DACH1: variants seen among roughly 807,000 people sequenced by gnomAD.
The protein encoded by DACH1 is dachshund homolog 1.
DACH1 carries 12 observed loss-of-function variants against 54.2 expected under a neutral mutation model. The ratio of observed to expected loss-of-function variants is 0.22; its 90% CI spans 0.14 to 0.36. DACH1 has a LOEUF of 0.36. DACH1 is among the 10% of genes least tolerant of loss of function. DACH1 has a pLI of 1.00. For missense variants in DACH1, 805 were observed against 929.8 expected (o/e 0.87, Z 1.75); for synonymous variants, 386 against 366.2 (o/e 1.05, Z -0.62).
intron 1 of DACH1, among the ~76,000 whole-genome samples, chr13:71,779,247 G>A (rs1208240394): frequency 8.2e-6 from 1 of 121,412 alleles, no homozygotes; most frequent in Non-Finnish European, 1.7e-5. Context: ...ACATATATAC[G>A]TATATACGTA....
chr13:71,660,254 T>C (rs540376927), intron 2 of DACH1, among the ~76,000 whole-genome samples: 4 of 152,240 alleles, frequency 2.6e-5, no homozygotes, highest in African/African-American at 9.6e-5. Context: ...ACTATGTTGC[T>C]ACATGCAGGG....
chr13:71,611,056 T>C (rs1479553822), intron 3 of DACH1, among the ~76,000 whole-genome samples: 1 of 152,168 alleles, frequency 6.6e-6, no homozygotes, highest in African/African-American at 2.4e-5. Context: ...TTGTGAACGT[T>C]GCATTATGGC....
intron 10 of DACH1, among the ~76,000 whole-genome samples, chr13:71,463,210 T>A (rs1032674020): frequency 6.6e-6 from 1 of 152,012 alleles, no homozygotes; most frequent in Admixed American, 6.6e-5. Flanking sequence ...AAAATCTGTA[T>A]TGGCATTTAT....
At chr13:71,693,597 C>T (rs1042841050) in intron 1 of DACH1, among the ~76,000 whole-genome samples, 2 of 150,658 alleles carry the variant, frequency 1.3e-5, no homozygotes, top group African/African-American at 4.9e-5. Flanking sequence ...GGATTACAGG[C>T]GTGAGCCACC....
intron 3 of DACH1, among the ~76,000 whole-genome samples, chr13:71,613,211 T>G (rs1354337749): frequency 6.6e-6 from 1 of 152,160 alleles, no homozygotes; most frequent in Admixed American, 6.5e-5. Context: ...AGAGATCCAC[T>G]GGCCAGTTTT....
chr13:71,602,244 T>C (rs61957844), intron 3 of DACH1, among the ~76,000 whole-genome samples: 1 of 152,064 alleles, frequency 6.6e-6, no homozygotes, highest in African/African-American at 2.4e-5. Context: ...CATGCACAGT[T>C]CTTAAAGTGT....
chr13:71,839,288 T>C (rs1011167151), intron 1 of DACH1, among the ~76,000 whole-genome samples: 3 of 152,160 alleles, frequency 2.0e-5, no homozygotes, highest in Admixed American at 2.0e-4. Context: ...ACAGTAACTT[T>C]GAAATCCATC....
rs565410534 is a variant in DACH1 at position 71,798,962 on chromosome 13, T to C, written c.848+66960A>G. 1.2e-3 allele frequency among the ~76,000 whole-genome samples: 181 copies of C among 152,228 alleles called. 1 individual carries two copies. Among genetic ancestry groups the C allele is most frequent in the South Asian group, 2.5e-3 (12 of 4,830 alleles). ...AGAGCTCTCTCCTCTGTTGTTTTAG[T>C]AGCTTTTTTCCAACTGTTTGTTTAT... On this transcript the variant is annotated intron_variant, in intron 1 of 10. Coordinates refer to ENST00000613252, the MANE Select transcript of DACH1 (RefSeq NM_080759.6).
At chr13:71,767,434 G>T (rs1390717978) in intron 1 of DACH1, among the ~76,000 whole-genome samples, 2 of 152,008 alleles carry the variant, frequency 1.3e-5, no homozygotes. Context: ...ATGGTGAATT[G>T]CTTTGGGGAG....
At chr13:71,643,693 C>T (rs964221519) in intron 2 of DACH1, among the ~76,000 whole-genome samples, 3 of 151,876 alleles carry the variant, frequency 2.0e-5, no homozygotes, top group East Asian at 3.9e-4. Flanking sequence ...AATAAATGAA[C>T]CTTTATTGCC....
chr13:71,854,542 G>GGT (rs1451246460), intron 1 of DACH1, among the ~76,000 whole-genome samples: 3 of 151,952 alleles, frequency 2.0e-5, no homozygotes, highest in Admixed American at 6.6e-5. Flanking sequence ...CAGTTCATGT[G>GGT]GTGTGTAACA....
intron 1 of DACH1, among the ~76,000 whole-genome samples, chr13:71,777,411 G>A (rs181688163): frequency 2.0e-5 from 3 of 152,180 alleles, no homozygotes; most frequent in Admixed American, 6.5e-5. Context: ...TAAGCATTAA[G>A]TAGACAAAAT....
intron 6 of DACH1, among the ~76,000 whole-genome samples, chr13:71,517,182 T>C (rs1188429375): frequency 6.6e-6 from 1 of 151,830 alleles, no homozygotes; most frequent in East Asian, 1.9e-4. Context: ...AGTCACAGAT[T>C]TTATGGCCAC....
At chr13:71,586,141 G>C (rs1301855866) in intron 3 of DACH1, among the ~76,000 whole-genome samples, 2 of 151,946 alleles carry the variant, frequency 1.3e-5, no homozygotes, top group Non-Finnish European at 1.5e-5. Context: ...TCACATACAG[G>C]GATATAATTT....
chr13:71,488,749 C>T (rs1186254838), intron 7 of DACH1, among the ~76,000 whole-genome samples: 3 of 150,044 alleles, frequency 2.0e-5, no homozygotes, highest in African/African-American at 7.4e-5. Context: ...TTTTAAAGGC[C>T]TATGTCATTT....
intron 6 of DACH1, among the ~76,000 whole-genome samples, chr13:71,544,672 C>A (rs912247215): frequency 7.2e-5 from 11 of 152,008 alleles, no homozygotes; most frequent in Non-Finnish European, 1.5e-4. Context: ...ACAGATAAAT[C>A]ATTCTCTTTT....
chr13:71,715,478 T>G (rs1882925005), intron 1 of DACH1, among the ~76,000 whole-genome samples: 1 of 152,126 alleles, frequency 6.6e-6, no homozygotes, highest in South Asian at 2.1e-4. Flanking sequence ...TCTTCCAACC[T>G]AAGAAGGCGG....
intron 3 of DACH1, among the ~76,000 whole-genome samples, chr13:71,614,379 A>G (rs972645601): frequency 6.6e-6 from 1 of 152,172 alleles, no homozygotes; most frequent in African/African-American, 2.4e-5. Context: ...AATGGATAAC[A>G]CAGAAACTAT....
chr13:71,721,674 G>A (rs929634424), intron 1 of DACH1, among the ~76,000 whole-genome samples: 1 of 151,980 alleles, frequency 6.6e-6, no homozygotes, highest in Non-Finnish European at 1.5e-5. Context: ...TCAGTAATTT[G>A]CTGTGCAATG....
Sources: gnomAD v4.1 joint callset for allele counts (sites outside exome capture counted in the v4.1 genomes callset) on GRCh38, gnomAD v4.1.1 for gene constraint, MANE v1.5 for transcripts, NCBI Gene and HGNC (gene_info 2026-07-23, HGNC 2026-07-21) for gene names.